The following NOS1AP variants were observed in gnomAD, a reference collection of about 807,000 sequenced individuals.
The protein encoded by NOS1AP is carboxyl-terminal PDZ ligand of neuronal nitric oxide synthase protein.
NOS1AP carries 21 observed loss-of-function variants against 56.2 expected under a neutral mutation model. The ratio of observed to expected loss-of-function variants is 0.37; its 90% CI spans 0.26 to 0.54. NOS1AP has a LOEUF of 0.54. Among genes scored for constraint, NOS1AP ranks in the 20% least tolerant of loss-of-function variants. The pLI, the probability that NOS1AP is intolerant of heterozygous loss-of-function variation, is 0.84. For missense variants in NOS1AP, 522 were observed against 657.8 expected, an observed-to-expected ratio of 0.79 and a Z score of 2.26; for synonymous variants, 270 against 274.6, an observed-to-expected ratio of 0.98 and a Z score of 0.17.
At chr1:162,132,092 G>T (rs1329093875) in intron 1 of NOS1AP, among the ~76,000 whole-genome samples, 2 of 152,140 alleles carry the variant, frequency 1.3e-5, no homozygotes, top group African/African-American at 4.8e-5. Flanking sequence ...GTGATTCCTA[G>T]GCCTGCCTGG....
At chr1:162,356,480 C>T (rs1189345025) in intron 7 of NOS1AP, among the ~76,000 whole-genome samples, 1 of 152,184 alleles carries the variant, frequency 6.6e-6, no homozygotes. Flanking sequence ...CCCAGCTCCA[C>T]GCTTCTCCCA....
At chr1:162,175,101 G>A (rs559263841) in intron 2 of NOS1AP, among the ~76,000 whole-genome samples, 5 of 152,098 alleles carry the variant, frequency 3.3e-5, no homozygotes, top group African/African-American at 1.2e-4. Flanking sequence ...CACCTGGCTT[G>A]AGATAGTATT....
intron 2 of NOS1AP, among the ~76,000 whole-genome samples, chr1:162,159,362 C>G (rs1047404472): frequency 5.9e-5 from 9 of 152,154 alleles, no homozygotes; most frequent in African/African-American, 2.2e-4. Flanking sequence ...CTTGTTCTGT[C>G]TCTCTAGTGC....
chr1:162,252,023 CA>C (rs1172050966), intron 2 of NOS1AP, among the ~76,000 whole-genome samples: 2 of 151,560 alleles, frequency 1.3e-5, no homozygotes, highest in Non-Finnish European at 2.9e-5. Flanking sequence ...AGAAAAGGTT[CA>C]GGGGGTAAAT....
chr1:162,158,059 G>A (rs4657158), intron 2 of NOS1AP, among the ~76,000 whole-genome samples: 69,254 of 151,998 alleles, frequency 0.46, 19,477 homozygotes, highest in Non-Finnish European at 0.62. Context: ...GTGAAGTTCA[G>A]CAGTGTTAAG....
chr1:162,203,982 C>T (rs55859206), intron 2 of NOS1AP, among the ~76,000 whole-genome samples: 2,025 of 152,298 alleles, frequency 0.013, 31 homozygotes, highest in African/African-American at 0.046. Context: ...AGGCCCCCTT[C>T]AGCCTAGGCT....
At chr1:162,265,135 T>A (rs977455933) in intron 2 of NOS1AP, among the ~76,000 whole-genome samples, 3 of 152,106 alleles carry the variant, frequency 2.0e-5, no homozygotes, top group African/African-American at 7.2e-5. Flanking sequence ...ACTTTCTATC[T>A]ATATTTTAAA....
At chr1:162,295,052 C>A (rs537462641) in intron 3 of NOS1AP, among the ~76,000 whole-genome samples, 42 of 152,334 alleles carry the variant, frequency 2.8e-4, no homozygotes, top group African/African-American at 9.6e-4. Flanking sequence ...TGAAGACCAG[C>A]CCTGCTGGTG....
At position 162,355,099 on chromosome 1, in the gene NOS1AP, A is replaced by G. The variant is rs988274232; in HGVS notation, c.596-88A>G. On this transcript the variant is annotated intron_variant, in intron 6 of 9. Coordinates refer to ENST00000361897, the MANE Select transcript of NOS1AP (RefSeq NM_014697.3). Reference sequence around the variant, plus strand: ...AAAGCCAGTGGCATCCCTAGGCTCAACATGCCTGAAAGCTAAAGTATTAGG... The same window carrying G: ...AAAGCCAGTGGCATCCCTAGGCTCAGCATGCCTGAAAGCTAAAGTATTAGG... 4.0e-6 allele frequency: 6 copies of G among 1,493,786 alleles called. No homozygotes were observed. In the Admixed American group the frequency reaches 5.0e-5, roughly 13 times the overall value. The allele number at this position is 1,493,786 out of a possible 1,614,324, so 92.5% of individuals were successfully genotyped here.
rs576846746 is a variant in NOS1AP at position 162,199,329 on chromosome 1, G to A, written c.177+44853G>A. On this transcript the variant is annotated intron_variant, in intron 2 of 9. Coordinates refer to ENST00000361897, the MANE Select transcript of NOS1AP (RefSeq NM_014697.3). ...ATATCTGCTCCGCTGCTGCATGCCG[G>A]TTACGTCCTCACTGTTGTTTTATTT... 1.2e-4 allele frequency among the ~76,000 whole-genome samples: 18 copies of A among 152,296 alleles called. No homozygotes were observed. In the South Asian group the frequency reaches 3.3e-3, roughly 28 times the overall value.
chr1:162,295,915 C>T (rs554487495), intron 3 of NOS1AP, among the ~76,000 whole-genome samples: 17 of 151,918 alleles, frequency 1.1e-4, no homozygotes, highest in Non-Finnish European at 2.5e-4. Flanking sequence ...GAAAGAGGTG[C>T]GGTGGGGGAG....
At chr1:162,232,863 A>G (rs1653166524) in intron 2 of NOS1AP, among the ~76,000 whole-genome samples, 1 of 152,212 alleles carries the variant, frequency 6.6e-6, no homozygotes, top group South Asian at 2.1e-4. Flanking sequence ...TCTAATCCTC[A>G]TAATAACCCT....
At chr1:162,208,997 G>C (rs907854117) in intron 2 of NOS1AP, among the ~76,000 whole-genome samples, 2 of 152,218 alleles carry the variant, frequency 1.3e-5, no homozygotes, top group African/African-American at 4.8e-5. Context: ...TCACAGGCCT[G>C]CAGTCCCTTA....
intron 2 of NOS1AP, among the ~76,000 whole-genome samples, chr1:162,267,991 G>A (rs1654477080): frequency 6.6e-6 from 1 of 152,136 alleles, no homozygotes; most frequent in South Asian, 2.1e-4. Context: ...CAGATTCGGT[G>A]GCTCATGCCT....
intron 5 of NOS1AP, among the ~76,000 whole-genome samples, chr1:162,337,438 C>T (rs573975829): frequency 9.2e-5 from 14 of 152,086 alleles, no homozygotes; most frequent in East Asian, 1.9e-4. Flanking sequence ...GTCAAACTTA[C>T]GAGATGAAAG....
At chr1:162,276,614 T>G (rs1230332863) in intron 2 of NOS1AP, among the ~76,000 whole-genome samples, 2 of 152,066 alleles carry the variant, frequency 1.3e-5, no homozygotes, top group Non-Finnish European at 2.9e-5. Flanking sequence ...ACCAGTATTT[T>G]TTAAGTTTCC....
chr1:162,086,281 A>G (rs1392877074), intron 1 of NOS1AP, among the ~76,000 whole-genome samples: 1 of 152,080 alleles, frequency 6.6e-6, no homozygotes, highest in Non-Finnish European at 1.5e-5. Context: ...ATAGGCCTGG[A>G]GAGAATGTCT....
intron 3 of NOS1AP, among the ~76,000 whole-genome samples, chr1:162,296,026 C>A (rs1655447025): frequency 6.6e-6 from 1 of 152,066 alleles, no homozygotes; most frequent in Non-Finnish European, 1.5e-5. Flanking sequence ...GTGGCTCACA[C>A]CTGTAATCCC....
intron 2 of NOS1AP, among the ~76,000 whole-genome samples, chr1:162,228,752 C>T (rs7548168): frequency 0.042 from 6,352 of 152,214 alleles, 179 homozygotes; most frequent in African/African-American, 0.08. Context: ...AAGATAACAT[C>T]GTTCAGACCC....
Sources: allele counts gnomAD v4.1 joint callset (sites outside exome capture counted in the v4.1 genomes callset), GRCh38; gene constraint gnomAD v4.1.1; transcripts MANE v1.5; gene names NCBI Gene and HGNC (gene_info 2026-07-23, HGNC 2026-07-21).